Variants in ASPRV1 observed in about 807,000 individuals in gnomAD.
The protein encoded by ASPRV1 is aspartic peptidase retroviral like 1, also known as retroviral-like aspartic protease 1.
In ASPRV1, 7 loss-of-function variants were observed where a neutral mutation model predicts 11.0. The observed-to-expected ratio is 0.64, with a 90% confidence interval of 0.36 to 1.20. The LOEUF (loss-of-function observed/expected upper bound fraction) is 1.20, where lower values mean the gene tolerates loss of function less well. Among genes scored for constraint, ASPRV1 ranks in the 50% most tolerant of loss-of-function variants. The probability of loss-of-function intolerance (pLI) is 0.02; values close to 1 mark genes in which losing one functional copy is unlikely to be tolerated. For missense variants in ASPRV1, 299 were observed against 320.0 expected, an observed-to-expected ratio of 0.93 and a Z score of 0.50; for synonymous variants, 136 against 138.4, an observed-to-expected ratio of 0.98 and a Z score of 0.12.
At chr2:69,938,356 G>GC in the ASPRV1 span, 1 of 1,482,990 alleles carries the variant, frequency 6.7e-7, no homozygotes, top group Non-Finnish European at 9.2e-7. Flanking sequence ...TATTGGACCT[G>GC]CCCACAACTC....
chr2:69,950,363 C>T, the ASPRV1 span, among the ~76,000 whole-genome samples: 1 of 152,136 alleles, frequency 6.6e-6, no homozygotes, highest in Non-Finnish European at 1.5e-5. Context: ...TAAGCCTGGG[C>T]TTTAGGTTTG....
At chr2:70,033,202 G>A in the ASPRV1 span, among the ~76,000 whole-genome samples, 7 of 151,460 alleles carry the variant, frequency 4.6e-5, no homozygotes, top group South Asian at 4.2e-4. Flanking sequence ...CTCCTGAGGC[G>A]GATCTCTTCC....
the ASPRV1 span, among the ~76,000 whole-genome samples, chr2:69,975,053 A>T: frequency 6.6e-6 from 1 of 152,208 alleles, no homozygotes; most frequent in Non-Finnish European, 1.5e-5. Flanking sequence ...CCACACCCAT[A>T]TTCCTCTGGG....
At chr2:70,003,719 C>T in the ASPRV1 span, among the ~76,000 whole-genome samples, 15 of 152,206 alleles carry the variant, frequency 9.9e-5, no homozygotes, top group African/African-American at 3.1e-4. Flanking sequence ...GGTTGTGCTG[C>T]GGTTTCAATG....
the ASPRV1 span, chr2:70,011,526 G>C: frequency 6.6e-6 from 1 of 152,668 alleles, no homozygotes; most frequent in Admixed American, 6.5e-5. Context: ...AAGGGGAGGA[G>C]GACTCCTGGG....
the ASPRV1 span, among the ~76,000 whole-genome samples, chr2:69,972,564 G>A: frequency 4.7e-4 from 72 of 151,896 alleles, no homozygotes; most frequent in African/African-American, 1.7e-3. Context: ...CACCACGTTC[G>A]CAGGACTGAT....
chr2:70,034,782 C>G, the ASPRV1 span: 1 of 152,172 alleles, frequency 6.6e-6, no homozygotes, highest in East Asian at 1.9e-4. Flanking sequence ...ACTAACATTC[C>G]TGCCCCCACA....
chr2:69,967,207 C>T, the ASPRV1 span, among the ~76,000 whole-genome samples: 1 of 152,184 alleles, frequency 6.6e-6, no homozygotes, highest in South Asian at 2.1e-4. Flanking sequence ...CTGCGCCCTA[C>T]CCTCACAGAG....
chr2:69,957,874 T>A (rs1163507366), downstream of ASPRV1, among the ~76,000 whole-genome samples: 1 of 152,176 alleles, frequency 6.6e-6, no homozygotes, highest in Non-Finnish European at 1.5e-5. Context: ...TGATCCTGCA[T>A]CCTCCTTTCC....
downstream of ASPRV1, among the ~76,000 whole-genome samples, chr2:69,959,693 T>C (rs1678020026): frequency 6.6e-6 from 1 of 152,136 alleles, no homozygotes; most frequent in South Asian, 2.1e-4. Flanking sequence ...GCTTTCTGCC[T>C]CCAAGTTCTC....
the ASPRV1 span, among the ~76,000 whole-genome samples, chr2:70,068,453 C>G: frequency 6.6e-6 from 1 of 152,186 alleles, no homozygotes; most frequent in Admixed American, 6.6e-5. Flanking sequence ...AAGCTGCATT[C>G]TGTGAGTCTG....
At chr2:69,963,285 G>A (rs543926995), upstream of ASPRV1, 21 of 456,598 alleles carry the variant, frequency 4.6e-5, no homozygotes, top group South Asian at 3.3e-4. Flanking sequence ...CCGAGAAGGT[G>A]TTGAGAGCAG....
the ASPRV1 span, among the ~76,000 whole-genome samples, chr2:69,952,197 G>A: frequency 6.6e-6 from 1 of 152,118 alleles, no homozygotes; most frequent in Non-Finnish European, 1.5e-5. Context: ...TACTAAATGG[G>A]TATAAAACCT....
chr2:70,002,384 C>A, the ASPRV1 span, among the ~76,000 whole-genome samples: 1 of 152,150 alleles, frequency 6.6e-6, no homozygotes, highest in Non-Finnish European at 1.5e-5. Context: ...CTTCACACTG[C>A]CTACTACATA....
chr2:70,038,851 G>C, the ASPRV1 span, among the ~76,000 whole-genome samples: 9 of 152,156 alleles, frequency 5.9e-5, no homozygotes, highest in African/African-American at 2.2e-4. Flanking sequence ...AGCCGAGGTG[G>C]GCGGATCACC....
the ASPRV1 span, chr2:70,081,390 G>T: frequency 0.29 from 44,056 of 151,616 alleles, 6,657 homozygotes; most frequent in East Asian, 0.35. Context: ...AGCTACTCGG[G>T]TTGCTGAGGC....
upstream of ASPRV1, chr2:69,961,742 C>T: frequency 6.6e-7 from 1 of 1,506,422 alleles, no homozygotes; most frequent in Non-Finnish European, 8.9e-7. Context: ...CTGCCAGCAT[C>T]CGGCCGGACT....
chr2:69,937,180 T>C, the ASPRV1 span: 1 of 1,606,190 alleles, frequency 6.2e-7, no homozygotes, highest in South Asian at 1.1e-5. Flanking sequence ...GCGGGGGCCA[T>C]TGCCCATTTA....
At chr2:70,066,254 T>C in the ASPRV1 span, among the ~76,000 whole-genome samples, 25 of 152,196 alleles carry the variant, frequency 1.6e-4, no homozygotes, top group South Asian at 1.7e-3. Context: ...TTTTTTTTTT[T>C]TGAGATGGAG....
Sources: gnomAD v4.1 joint callset for allele counts (sites outside exome capture counted in the v4.1 genomes callset) on GRCh38, gnomAD v4.1.1 for gene constraint, MANE v1.5 for transcripts, NCBI Gene and HGNC (gene_info 2026-07-23, HGNC 2026-07-21) for gene names.